CIRSR: variants seen among roughly 807,000 people sequenced by gnomAD.
CIRSR encodes the protein corepressor of RBPJ and splicing regulator.
chr2:174,348,555 T>C, the CIRSR span: 1 of 1,614,152 alleles, frequency 6.2e-7, no homozygotes, highest in African/African-American at 1.3e-5. Context: ...GTACATTTTT[T>C]CTCCTCTATA....
chr2:174,383,719 CAAAAAAA>C, the CIRSR span, among the ~76,000 whole-genome samples: 1 of 83,160 alleles, frequency 1.2e-5, no homozygotes, highest in African/African-American at 5.2e-5. Context: ...GACTCCGTCT[CAAAAAAA>C]AAAAAAAAAA....
the CIRSR span, among the ~76,000 whole-genome samples, chr2:174,386,745 G>T: frequency 2.0e-5 from 3 of 152,214 alleles, no homozygotes; most frequent in Non-Finnish European, 4.4e-5. Context: ...TCATTCTTCA[G>T]AGTTCAGCTT....
At chr2:174,382,377 A>G in the CIRSR span, among the ~76,000 whole-genome samples, 1 of 152,156 alleles carries the variant, frequency 6.6e-6, no homozygotes, top group African/African-American at 2.4e-5. Context: ...AGTGGCTCAC[A>G]CCTGTAATCC....
the CIRSR span, among the ~76,000 whole-genome samples, chr2:174,349,671 T>C: frequency 1.3e-5 from 2 of 151,888 alleles, no homozygotes; most frequent in Non-Finnish European, 2.9e-5. Context: ...CGTGAATACA[T>C]TAAATTAAAA....
At chr2:174,381,046 GTTCA>G in the CIRSR span, among the ~76,000 whole-genome samples, 1 of 151,932 alleles carries the variant, frequency 6.6e-6, no homozygotes, top group African/African-American at 2.4e-5. Context: ...ACTTTTCACT[GTTCA>G]TTGACAGTGA....
the CIRSR span, among the ~76,000 whole-genome samples, chr2:174,354,514 TATA>T: frequency 2.2e-4 from 4 of 17,898 alleles, no homozygotes; most frequent in Non-Finnish European, 5.3e-4. Context: ...ATATATATCA[TATA>T]ATATATTTTA....
chr2:174,356,378 G>A, the CIRSR span, among the ~76,000 whole-genome samples: 1 of 151,996 alleles, frequency 6.6e-6, no homozygotes, highest in Non-Finnish European at 1.5e-5. Context: ...TGAGGTGGGA[G>A]GATCACTTGA....
the CIRSR span, among the ~76,000 whole-genome samples, chr2:174,394,283 T>C: frequency 6.6e-6 from 1 of 152,204 alleles, no homozygotes; most frequent in African/African-American, 2.4e-5. Flanking sequence ...CTGAATTCCA[T>C]CTAATCTCTT....
At chr2:174,348,633 C>T in the CIRSR span, 18 of 1,614,080 alleles carry the variant, frequency 1.1e-5, no homozygotes, top group South Asian at 6.6e-5. Flanking sequence ...TCGCTGTGCC[C>T]GTTTCCTTGT....
At chr2:174,384,305 C>CA in the CIRSR span, among the ~76,000 whole-genome samples, 1 of 152,138 alleles carries the variant, frequency 6.6e-6, no homozygotes, top group African/African-American at 2.4e-5. Context: ...TTATATGAGG[C>CA]ATTTAGAATA....
chr2:174,366,616 G>A, the CIRSR span, among the ~76,000 whole-genome samples: 1 of 152,138 alleles, frequency 6.6e-6, no homozygotes, highest in Non-Finnish European at 1.5e-5. Context: ...AAGGCAGAAT[G>A]TTTGAGAAAG....
At chr2:174,351,829 C>T in the CIRSR span, 1 of 677,840 alleles carries the variant, frequency 1.5e-6, no homozygotes, top group Admixed American at 3.4e-5. Flanking sequence ...AAAATCACAG[C>T]TAAATCAACT....
the CIRSR span, among the ~76,000 whole-genome samples, chr2:174,370,323 T>C: frequency 1.3e-5 from 2 of 152,158 alleles, no homozygotes; most frequent in Non-Finnish European, 2.9e-5. Flanking sequence ...GTGAGGAGAT[T>C]ATGGGTGTGG....
the CIRSR span, chr2:174,348,316 A>G: frequency 5.6e-5 from 51 of 905,686 alleles, no homozygotes; most frequent in Non-Finnish European, 7.6e-5. Flanking sequence ...TCATTCTTAT[A>G]GTACTCATGT....
At chr2:174,379,126 G>T in the CIRSR span, 2 of 932,260 alleles carry the variant, frequency 2.1e-6, no homozygotes, top group Non-Finnish European at 3.4e-6. Context: ...TAGAATTTAA[G>T]CTAAATTACA....
At chr2:174,356,943 T>G in the CIRSR span, among the ~76,000 whole-genome samples, 8 of 152,196 alleles carry the variant, frequency 5.3e-5, no homozygotes, top group Non-Finnish European at 1.0e-4. Flanking sequence ...ATATTTTAAA[T>G]AAAATCTCAA....
the CIRSR span, among the ~76,000 whole-genome samples, chr2:174,392,408 T>C: frequency 1.3e-5 from 2 of 152,230 alleles, no homozygotes; most frequent in African/African-American, 4.8e-5. Context: ...ACATGGGTGT[T>C]TGTATGATAT....
the CIRSR span, chr2:174,349,306 C>T: frequency 8.9e-5 from 50 of 561,382 alleles, no homozygotes; most frequent in African/African-American, 3.7e-4. Context: ...CTGGCTCATA[C>T]CTGTAATCCC....
chr2:174,371,954 A>G, the CIRSR span, among the ~76,000 whole-genome samples: 1 of 152,206 alleles, frequency 6.6e-6, no homozygotes, highest in Non-Finnish European at 1.5e-5. Context: ...TTTTTTTTAA[A>G]TGAAAAGACT....
Sources: gnomAD v4.1 joint callset for allele counts (sites outside exome capture counted in the v4.1 genomes callset) on GRCh38, gnomAD v4.1.1 for gene constraint, MANE v1.5 for transcripts, NCBI Gene and HGNC (gene_info 2026-07-23, HGNC 2026-07-21) for gene names.